CRHR2: variants seen among roughly 807,000 people sequenced by gnomAD.
CRHR2 encodes the protein corticotropin releasing hormone receptor 2, also known as corticotropin-releasing hormone receptor 2.
CRHR2 carries 53 observed loss-of-function variants against 57.9 expected under a neutral mutation model. The observed-to-expected ratio is 0.92, with a 90% confidence interval of 0.73 to 1.15. The LOEUF is 1.15. Ranked by LOEUF, CRHR2 falls within the 50% of genes most tolerant of loss-of-function variation. CRHR2 has a pLI of 0.00. For synonymous variants in CRHR2, 213 were observed against 220.9 expected (o/e 0.96, Z 0.32); for missense variants, 532 against 542.6 (o/e 0.98, Z 0.19).
intron 3 of CRHR2, among the ~76,000 whole-genome samples, chr7:30,666,040 T>G (rs1271755540): frequency 1.3e-5 from 2 of 152,158 alleles, no homozygotes; most frequent in African/African-American, 4.8e-5. Context: ...CATGCATTTT[T>G]GGGGGCACAT....
upstream of CRHR2, among the ~76,000 whole-genome samples, chr7:30,683,049 G>A (rs894586669): frequency 1.3e-5 from 2 of 152,174 alleles, no homozygotes; most frequent in Admixed American, 6.5e-5. Context: ...AATGGAGAGA[G>A]ATTTCGGAGG....
Position 30,656,096 on chromosome 7 carries a change from A to G in CRHR2, c.832-84T>C. Reference sequence around the variant, plus strand: ...GCCGAGAGGCAGCCCCCTTCCCCGCAGACCCCTGGAAACCGATGTCCCACG... The same window carrying G: ...GCCGAGAGGCAGCCCCCTTCCCCGCGGACCCCTGGAAACCGATGTCCCACG... On this transcript the variant is annotated intron_variant, in intron 8 of 11. Coordinates refer to ENST00000471646, the MANE Select transcript of CRHR2 (RefSeq NM_001883.5). The surrounding 1 kb of genome is among the most constrained non-coding windows in gnomAD (Gnocchi z 4.4). The G allele has an allele frequency of 7.6e-7, 1 of 1,313,076 alleles. No individual in the cohort carries two copies. Among genetic ancestry groups the G allele is most frequent in the Non-Finnish European group, 1.1e-6 (1 of 916,464 alleles). The allele number at this position is 1,313,076 out of a possible 1,614,324, so 81.3% of individuals were successfully genotyped here. A position where few individuals can be genotyped will look rare whatever the true frequency, so the allele number is the denominator to read the frequency against.
intron 2 of CRHR2, among the ~76,000 whole-genome samples, chr7:30,680,293 TTGAC>T (rs1038145723): frequency 2.0e-5 from 3 of 152,210 alleles, no homozygotes; most frequent in African/African-American, 4.8e-5. Flanking sequence ...ATTCCACAAA[TTGAC>T]TGAGTATTAC....
chr7:30,654,326 A>G (rs551976034), intron 11 of CRHR2, among the ~76,000 whole-genome samples: 1 of 152,198 alleles, frequency 6.6e-6, no homozygotes, highest in African/African-American at 2.4e-5. Flanking sequence ...AGCCCACAGG[A>G]CCCGTCTCTG....
At chr7:30,686,437 G>A (rs915405044), upstream of CRHR2, 78 of 1,532,858 alleles carry the variant, frequency 5.1e-5, no homozygotes, top group Admixed American at 2.8e-4. Context: ...TCAGGCCAAG[G>A]CTCTCTTCCC....
intron 2 of CRHR2, among the ~76,000 whole-genome samples, chr7:30,667,994 G>A (rs1784239352): frequency 6.6e-6 from 1 of 152,254 alleles, no homozygotes; most frequent in Non-Finnish European, 1.5e-5. Context: ...ACAGGAATGA[G>A]TGAATGCTGG....
chr7:30,660,810 T>A (rs898567581), intron 7 of CRHR2, among the ~76,000 whole-genome samples, 165 bp from the exon 8 acceptor site: 1 of 152,218 alleles, frequency 6.6e-6, no homozygotes, highest in African/African-American at 2.4e-5. Flanking sequence ...TGACCACCCT[T>A]ACCCACCAGG....
At chr7:30,671,816 GATGATGATGAT>G (rs1339889472) in intron 2 of CRHR2, among the ~76,000 whole-genome samples, 1 of 147,336 alleles carries the variant, frequency 6.8e-6, no homozygotes, top group East Asian at 2.0e-4. Context: ...TGATGATGAT[GATGATGATGAT>G]GATGATGATG....
chr7:30,662,546 C>A, intron 6 of CRHR2, 148 bp downstream of exon 6: 1 of 946,014 alleles, frequency 1.1e-6, no homozygotes, highest in East Asian at 2.6e-5. Context: ...TGTTCCTCAC[C>A]AGCATGGAGG....
intron 10 of CRHR2, 45 bp from the exon 11 acceptor site, chr7:30,655,125 G>C (rs1387530563): frequency 3.1e-6 from 5 of 1,599,490 alleles, no homozygotes; most frequent in Non-Finnish European, 3.4e-6. Context: ...CCTACCTGCG[G>C]AGCTGTTCTG....
intron 1 of CRHR2, among the ~76,000 whole-genome samples, chr7:30,698,391 G>A (rs773130695): frequency 2.6e-5 from 4 of 152,212 alleles, no homozygotes; most frequent in African/African-American, 4.8e-5. Flanking sequence ...CAGCTTGGGC[G>A]GCTGGCAGCA....
chr7:30,658,138 C>A (rs780636681), intron 8 of CRHR2, among the ~76,000 whole-genome samples: 1 of 152,142 alleles, frequency 6.6e-6, no homozygotes, highest in African/African-American at 2.4e-5. Context: ...CCCTTCACAC[C>A]ACCACAGGTA....
At chr7:30,660,065 A>C (rs562573978) in intron 8 of CRHR2, among the ~76,000 whole-genome samples, 17 of 152,338 alleles carry the variant, frequency 1.1e-4, no homozygotes, top group African/African-American at 3.8e-4. Flanking sequence ...TATACCTTAG[A>C]TGCAAATACA....
At chr7:30,662,019 A>T in intron 7 of CRHR2, 137 bp downstream of exon 7, 1 of 860,518 alleles carries the variant, frequency 1.2e-6, no homozygotes, top group Non-Finnish European at 1.8e-6. Context: ...TTTTCAATTT[A>T]AGGACAACAG....
Position 30,671,846 on chromosome 7 carries a change from G to A in CRHR2, c.230-4533C>T, listed in dbSNP as rs148487495. Among the ~76,000 whole-genome samples the A allele has an allele frequency of 5.5e-5, 7 of 127,588 alleles. No homozygotes were observed. In the South Asian group the frequency reaches 7.9e-4, roughly 14 times the overall value. The allele number at this position is 127,588 out of a possible 152,430, so 83.7% of individuals were successfully genotyped here. A position where few individuals can be genotyped will look rare whatever the true frequency, so the allele number is the denominator to read the frequency against. On this transcript the variant is annotated intron_variant, in intron 2 of 11. Coordinates refer to ENST00000471646, the MANE Select transcript of CRHR2 (RefSeq NM_001883.5). ...TGATGATGATGATGATGATGATAAT[G>A]ATGATGATGATAGAAGAAGAAGGAG...
Position 30,688,499 on chromosome 7 carries a change from C to T in CRHR2, c.-167+692G>A, listed in dbSNP as rs573351833. Among the ~76,000 whole-genome samples the T allele has an allele frequency of 3.3e-5, 5 of 152,372 alleles. No homozygotes were observed. In the South Asian group the frequency reaches 1.0e-3, roughly 32 times the overall value. ...GCCCCAGTGGAAGGAGAACAGGCAG[C>T]AAGACTTTCTCTTTGACGCCTGGCT... On this transcript the variant is annotated intron_variant, in intron 2 of 13. Coordinates refer to the CRHR2 transcript ENST00000341843.
Position 30,682,322 on chromosome 7 carries a change from G to A in CRHR2, c.-42C>T, listed in dbSNP as rs755668813. On this transcript the variant is annotated 5_prime_UTR_variant, in exon 1 of 12. Coordinates refer to ENST00000471646, the MANE Select transcript of CRHR2 (RefSeq NM_001883.5). Reference sequence around the variant, plus strand: ...GTGCGGAGAGGGAGTGGGAGTGCGCGCCCGGCGTGACTGCGAGGGAGTGGA... The same window carrying A: ...GTGCGGAGAGGGAGTGGGAGTGCGCACCCGGCGTGACTGCGAGGGAGTGGA... 6.6e-7 allele frequency: 1 copy of A among 1,505,264 alleles called. No individual in the cohort carries two copies. The highest frequency in any genetic ancestry group is 2.7e-5 in the East Asian group (1 of 37,114). The allele number at this position is 1,505,264 out of a possible 1,614,324, so 93.2% of individuals were successfully genotyped here.
At chr7:30,674,408 A>G (rs1380777624) in intron 2 of CRHR2, among the ~76,000 whole-genome samples, 4 of 152,176 alleles carry the variant, frequency 2.6e-5, no homozygotes, top group African/African-American at 9.7e-5. Flanking sequence ...GAGGGGACCA[A>G]CACAGGACCC....
At chr7:30,657,290 A>T (rs763637191) in intron 8 of CRHR2, among the ~76,000 whole-genome samples, 14 of 152,134 alleles carry the variant, frequency 9.2e-5, no homozygotes, top group Non-Finnish European at 1.9e-4. Flanking sequence ...CCCTAGGGGC[A>T]GGGAGAGCTC....
Sources: gnomAD v4.1 joint callset for allele counts (sites outside exome capture counted in the v4.1 genomes callset) on GRCh38, gnomAD v4.1.1 for gene constraint, Gnocchi (gnomAD v3.1) non-coding constraint, MANE v1.5 for transcripts, NCBI Gene and HGNC (gene_info 2026-07-23, HGNC 2026-07-21) for gene names.